The following RICTOR variants were observed in gnomAD, a reference collection of about 807,000 sequenced individuals.
RICTOR encodes the protein RPTOR independent companion of MTOR complex 2.
RICTOR carries 49 observed loss-of-function variants against 214.9 expected under a neutral mutation model. That is an observed-to-expected ratio of 0.23 (90% CI 0.18 to 0.29). The LOEUF (loss-of-function observed/expected upper bound fraction) is 0.29. RICTOR is among the 10% of genes least tolerant of loss of function. The probability of loss-of-function intolerance (pLI) is 1.00; values close to 1 mark genes in which losing one functional copy is unlikely to be tolerated. For synonymous variants in RICTOR, 717 were observed against 711.3 expected (o/e 1.01, Z -0.13); for missense variants, 1,625 against 2,047.0 (o/e 0.79, Z 3.98).
chr5:39,035,637 G>A (rs1157322410), intron 2 of RICTOR, among the ~76,000 whole-genome samples: 1 of 152,214 alleles, frequency 6.6e-6, no homozygotes, highest in Middle Eastern at 3.2e-3. Context: ...AGGACCCGAT[G>A]GAGCTGAAAA....
chr5:39,037,640 C>A (rs1756825645), intron 2 of RICTOR, among the ~76,000 whole-genome samples: 1 of 152,140 alleles, frequency 6.6e-6, no homozygotes. Context: ...GGGGGTATCA[C>A]CACCAATCCC....
intron 2 of RICTOR, among the ~76,000 whole-genome samples, chr5:39,072,923 G>A (rs1054101718): frequency 1.4e-4 from 22 of 152,288 alleles, no homozygotes; most frequent in Middle Eastern, 3.4e-3. Flanking sequence ...TACTCTTGTA[G>A]CTAAGTGAAA....
chr5:39,058,676 T>C (rs1174083087), intron 2 of RICTOR, among the ~76,000 whole-genome samples: 1 of 152,168 alleles, frequency 6.6e-6, no homozygotes, highest in Non-Finnish European at 1.5e-5. Flanking sequence ...AAATCTAACA[T>C]ATTAACAAAT....
intron 2 of RICTOR, among the ~76,000 whole-genome samples, chr5:39,030,079 AGAAATAT>A (rs1214092768): frequency 2.0e-5 from 3 of 152,322 alleles, no homozygotes; most frequent in East Asian, 1.9e-4. Flanking sequence ...TATTCCATAT[AGAAATAT>A]TCAAACCATA....
chr5:39,033,257 ACT>A (rs1290697996), intron 2 of RICTOR, among the ~76,000 whole-genome samples: 5 of 145,730 alleles, frequency 3.4e-5, no homozygotes, highest in East Asian at 4.0e-4. Flanking sequence ...CCAGTGTCCT[ACT>A]CTTTTTTTTT....
At chr5:39,021,493 G>A (rs1469095237) in intron 2 of RICTOR, among the ~76,000 whole-genome samples, 1 of 152,152 alleles carries the variant, frequency 6.6e-6, no homozygotes, top group Admixed American at 6.5e-5. Context: ...AGGTTATGAA[G>A]GCTCTGCCCC....
chr5:38,990,716 A>C lies in RICTOR; in HGVS notation c.583+233T>G, dbSNP rs111255301. 4.6e-3 allele frequency among the ~76,000 whole-genome samples: 103 copies of C among 22,636 alleles called. 1 individual carries two copies. The highest frequency in any genetic ancestry group is 9.5e-3 in the East Asian group (6 of 632). 14.9% of individuals were successfully genotyped at this position (22,636 alleles called of 152,430 possible). A position where few individuals can be genotyped will look rare whatever the true frequency, so the allele number is the denominator to read the frequency against. On this transcript the variant is annotated intron_variant, in intron 7 of 37. Coordinates refer to ENST00000357387, the MANE Select transcript of RICTOR (RefSeq NM_152756.5). The stretch of plus-strand genomic sequence containing the variant: ...ATGATATATATCAGATATGATATAT[A>C]TGATATATATCATATATATGATATA...
At chr5:38,990,668 T>TATATATG (rs1561501956) in intron 7 of RICTOR, among the ~76,000 whole-genome samples, 1 of 143,764 alleles carries the variant, frequency 7.0e-6, no homozygotes, top group Non-Finnish European at 1.5e-5. Context: ...ATATATCAGA[T>TATATATG]ATATATCAGA....
intron 2 of RICTOR, among the ~76,000 whole-genome samples, chr5:39,045,744 T>TAG (rs1757442857): frequency 6.6e-6 from 1 of 152,132 alleles, no homozygotes; most frequent in Non-Finnish European, 1.5e-5. Context: ...AACATGTCTA[T>TAG]AGTTCAGATC....
intron 2 of RICTOR, among the ~76,000 whole-genome samples, chr5:39,056,593 T>A (rs930932306): frequency 6.6e-6 from 1 of 151,668 alleles, no homozygotes; most frequent in African/African-American, 2.4e-5. Context: ...GCCATGATCA[T>A]GCCACTGCCC....
At chr5:39,031,761 A>G (rs1210283298) in intron 2 of RICTOR, among the ~76,000 whole-genome samples, 2 of 152,234 alleles carry the variant, frequency 1.3e-5, no homozygotes, top group Non-Finnish European at 2.9e-5. Flanking sequence ...CTTCAACAGT[A>G]GAACAAAATT....
intron 33 of RICTOR, among the ~76,000 whole-genome samples, chr5:38,946,072 A>T (rs936505475): frequency 6.6e-6 from 1 of 152,188 alleles, no homozygotes; most frequent in Non-Finnish European, 1.5e-5. Flanking sequence ...TGTGGCTTAT[A>T]TTTACATATT....
At chr5:39,025,081 T>C (rs921448321) in intron 2 of RICTOR, among the ~76,000 whole-genome samples, 2 of 152,198 alleles carry the variant, frequency 1.3e-5, no homozygotes, top group African/African-American at 4.8e-5. Context: ...AGTCAAATGT[T>C]TGCCTAATGA....
intron 9 of RICTOR, among the ~76,000 whole-genome samples, chr5:38,975,961 A>T (rs967367976): frequency 6.6e-6 from 1 of 152,178 alleles, no homozygotes. Context: ...AAAACCTCTT[A>T]ATTTTAATCA....
chr5:39,066,579 G>A (rs1396522415), intron 2 of RICTOR, among the ~76,000 whole-genome samples: 1 of 152,186 alleles, frequency 6.6e-6, no homozygotes, highest in African/African-American at 2.4e-5. Flanking sequence ...CACATGGCTA[G>A]GCTGCAAATT....
chr5:39,030,086 T>G lies in RICTOR; in HGVS notation c.98-8950A>C, dbSNP rs116149263. Among the ~76,000 whole-genome samples, 1,141 of 152,270 alleles carry G rather than the reference T, an allele frequency of 7.5e-3. 15 individuals are homozygous for G. The highest frequency in any genetic ancestry group is 0.026 in the African/African-American group (1,093 of 41,566). ...ACATTAGATATTCCATATAGAAATATTCAAACCATAAAGTGCTACACAAAT... is the reference window on the plus strand; with the variant it reads ...ACATTAGATATTCCATATAGAAATAGTCAAACCATAAAGTGCTACACAAAT... On this transcript the variant is annotated intron_variant, in intron 2 of 37. Coordinates refer to ENST00000357387, the MANE Select transcript of RICTOR (RefSeq NM_152756.5).
At chr5:38,995,599 T>A (rs907611864) in intron 6 of RICTOR, among the ~76,000 whole-genome samples, 2 of 152,112 alleles carry the variant, frequency 1.3e-5, no homozygotes, top group Non-Finnish European at 2.9e-5. Context: ...TTCATAAAAA[T>A]GTTATTTATA....
At chr5:38,943,080 A>G (rs1747767929) in intron 36 of RICTOR, 109 bp from the exon 37 acceptor site, 1 of 685,266 alleles carries the variant, frequency 1.5e-6, no homozygotes, top group Non-Finnish European at 2.5e-6. Context: ...TATGGATTAG[A>G]TGGCATACTT....
chr5:39,055,216 C>T (rs1176526875), intron 2 of RICTOR, among the ~76,000 whole-genome samples: 1 of 152,094 alleles, frequency 6.6e-6, no homozygotes, highest in Non-Finnish European at 1.5e-5. Context: ...TATTACTTGT[C>T]TCCCTGTCTC....
Sources: gnomAD v4.1 joint callset for allele counts (sites outside exome capture counted in the v4.1 genomes callset) on GRCh38, gnomAD v4.1.1 for gene constraint, MANE v1.5 for transcripts, NCBI Gene and HGNC (gene_info 2026-07-23, HGNC 2026-07-21) for gene names.